ALDH3A2: variants seen among roughly 807,000 people sequenced by gnomAD.
The protein encoded by ALDH3A2 is aldehyde dehydrogenase 3 family member A2, also known as aldehyde dehydrogenase family 3 member A2.
A neutral mutation model predicts 51.3 loss-of-function variants in ALDH3A2; 36 were observed. The ratio of observed to expected loss-of-function variants is 0.70; its 90% CI spans 0.54 to 0.93. ALDH3A2 has a LOEUF of 0.93. ALDH3A2 is among the 40% of genes least tolerant of loss of function. The pLI, the probability that ALDH3A2 is intolerant of heterozygous loss-of-function variation, is 0.00. For synonymous variants in ALDH3A2, 199 were observed against 219.8 expected, an observed-to-expected ratio of 0.91 and a Z score of 0.84; for missense variants, 552 against 603.1, an observed-to-expected ratio of 0.92 and a Z score of 0.89.
chr17:19,661,073 G>A, intron 5 of ALDH3A2, 54 bp from the exon 6 acceptor site: 1 of 1,571,406 alleles, frequency 6.4e-7, no homozygotes, highest in Non-Finnish European at 8.7e-7. Flanking sequence ...TGTACTTACT[G>A]AAATTGAATT....
chr17:19,651,327 C>T (rs1443208432), intron 1 of ALDH3A2, among the ~76,000 whole-genome samples: 3 of 152,142 alleles, frequency 2.0e-5, no homozygotes, highest in Non-Finnish European at 4.4e-5. Flanking sequence ...TGTTACTACT[C>T]CCTGAAATAA....
At chr17:19,665,379 G>A (rs889446408) in intron 8 of ALDH3A2, among the ~76,000 whole-genome samples, 1 of 79,352 alleles carries the variant, frequency 1.3e-5, no homozygotes, top group Non-Finnish European at 3.0e-5. Context: ...CTCTCTTCGT[G>A]TGTGTGTGTG....
chr17:19,665,905 C>T (rs565994237), intron 8 of ALDH3A2, among the ~76,000 whole-genome samples: 33 of 152,266 alleles, frequency 2.2e-4, no homozygotes, highest in African/African-American at 7.7e-4. Context: ...CCATGGGATG[C>T]GATGGCCCAG....
chr17:19,659,764 C>T (rs1567601600), intron 5 of ALDH3A2: 1 of 151,168 alleles, frequency 6.6e-6, no homozygotes, highest in Admixed American at 6.6e-5. Context: ...TCGCTTGATC[C>T]TCCTGGGAGG....
Position 19,671,942 on chromosome 17 carries a change from G to T in ALDH3A2, c.1429G>T (p.Ala477Ser). Residue 477 changes from alanine (A) to serine (S), a missense_variant, in exon 9 of 10, where the codon GCT becomes TCT. By Grantham distance (99) the Ala-to-Ser change is moderately conservative. Coordinates refer to ENST00000176643, the MANE Select transcript of ALDH3A2 (RefSeq NM_000382.3). ...GCTCACTTTCCTGGGTATTGTAGCC[G>T]CTGTGCTTGTCAAGGTGAGTCCCTA... Reference protein sequence around the residue: ...LLLTFLGIVAAVLVKAEYY With the variant: ...LLLTFLGIVASVLVKAEYY 6.2e-7 allele frequency: 1 copy of T among 1,614,008 alleles called. No individual in the cohort carries two copies. The highest frequency in any genetic ancestry group is 8.5e-7 in the Non-Finnish European group (1 of 1,179,930).
At position 19,652,555 on chromosome 17, in the gene ALDH3A2, G is replaced by A. The variant is rs1297431585; in HGVS notation, c.394G>A (p.Val132Met). ...CTTTTTACTTTATTTAGGAAATGCTGTGATTATAAAGCCTTCTGAACTGAG... is the reference window on the plus strand; with the variant it reads ...CTTTTTACTTTATTTAGGAAATGCTATGATTATAAAGCCTTCTGAACTGAG... ...LIGAIAAGNA[V>M]IIKPSELSEN... The change falls in exon 3 of 10, where the codon GTG (valine) becomes ATG (methionine). Residue 132 changes from valine to methionine, a missense_variant. Physicochemically the swap from Val to Met is conservative, Grantham distance 21 (BLOSUM62 1). Coordinates refer to ENST00000176643, the MANE Select transcript of ALDH3A2 (RefSeq NM_000382.3). The A allele has an allele frequency of 1.2e-6, 2 of 1,613,058 alleles. No homozygotes were observed. The highest frequency in any genetic ancestry group is 1.1e-5 in the South Asian group (1 of 91,064).
At chr17:19,665,623 C>T (rs1309828580) in intron 8 of ALDH3A2, among the ~76,000 whole-genome samples, 1 of 152,110 alleles carries the variant, frequency 6.6e-6, no homozygotes, top group African/African-American at 2.4e-5. Flanking sequence ...GAAAGAAATT[C>T]ATTCCAAGTG....
Position 19,671,296 on chromosome 17 carries a change from G to A in ALDH3A2, c.1208-425G>A, listed in dbSNP as rs560780439. 4.6e-5 allele frequency among the ~76,000 whole-genome samples: 7 copies of A among 152,312 alleles called. No homozygotes were observed. The South Asian group carries it at 1.4e-3, about 32-fold the overall frequency. On this transcript the variant is annotated intron_variant, in intron 8 of 9. Coordinates refer to ENST00000176643, the MANE Select transcript of ALDH3A2 (RefSeq NM_000382.3). ...ATATAGCATTTAGAGTCTGATCCAG[G>A]TTCGGGTTCTGGCTTTGCCACTTAG...
intron 8 of ALDH3A2, among the ~76,000 whole-genome samples, chr17:19,667,684 A>G (rs1203140210): frequency 1.3e-5 from 2 of 151,940 alleles, no homozygotes; most frequent in Non-Finnish European, 2.9e-5. Context: ...TCAGCCTCCC[A>G]AGTAGCTGGA....
chr17:19,665,548 C>T (rs548268987), intron 8 of ALDH3A2, among the ~76,000 whole-genome samples: 10 of 152,066 alleles, frequency 6.6e-5, no homozygotes, highest in Non-Finnish European at 1.5e-4. Flanking sequence ...GAGGAGCAGC[C>T]TCTCCTTGAA....
intron 8 of ALDH3A2, among the ~76,000 whole-genome samples, chr17:19,668,552 C>T (rs1275528950): frequency 6.6e-6 from 1 of 152,062 alleles, no homozygotes; most frequent in Non-Finnish European, 1.5e-5. Context: ...CTGGCCTAAG[C>T]CTGTGTGGCT....
rs769992812 is a variant in ALDH3A2, at chr17:19,651,806, C to A, written c.385+28C>A. ...CTGGTGCCACCTTATGTCTATATACCTTTTTAGGGAGGCTTATTTTCTCAT... is the reference window on the plus strand; with the variant it reads ...CTGGTGCCACCTTATGTCTATATACATTTTTAGGGAGGCTTATTTTCTCAT... On this transcript the variant is annotated intron_variant, in intron 2 of 9. Coordinates refer to ENST00000176643, the MANE Select transcript of ALDH3A2 (RefSeq NM_000382.3). The A allele has an allele frequency of 7.0e-6, 11 of 1,576,852 alleles. No homozygotes were observed. In the East Asian group the frequency reaches 1.3e-4, roughly 19 times the overall value.
chr17:19,656,260 T>C (rs1425346003), intron 3 of ALDH3A2, 106 bp from the exon 4 acceptor site: 2 of 1,057,024 alleles, frequency 1.9e-6, no homozygotes, highest in South Asian at 1.3e-5. Context: ...GTCTTGACAC[T>C]CTCTGGGTTT....
intron 9 of ALDH3A2, chr17:19,672,204 A>G (rs547436319): frequency 3.9e-5 from 22 of 559,504 alleles, no homozygotes; most frequent in African/African-American, 3.4e-4. Context: ...CAGAGGCTGA[A>G]TGGCCCTCAG....
intron 3 of ALDH3A2, among the ~76,000 whole-genome samples, chr17:19,653,000 C>T (rs1159599025): frequency 6.6e-6 from 1 of 151,076 alleles, no homozygotes; most frequent in Non-Finnish European, 1.5e-5. Flanking sequence ...TACTAACAAT[C>T]TCTTTTGTTC....
rs751079690 is a variant in ALDH3A2 at position 19,661,241 on chromosome 17, G to A, written c.913G>A (p.Glu305Lys). 56 of 1,613,986 alleles carry A rather than the reference G, an allele frequency of 3.5e-5. No homozygotes were observed. The South Asian group carries it at 5.5e-4, about 16-fold the overall frequency. Reference sequence around the variant, plus strand: ...AGGACAAAAGATAGCTTTTGGTGGGGAGACTGATGAGGCCACACGCTACAT... The same window carrying A: ...AGGACAAAAGATAGCTTTTGGTGGGAAGACTGATGAGGCCACACGCTACAT... ...LEGQKIAFGGETDEATRYIAP... is the reference protein window; with the variant it reads ...LEGQKIAFGGKTDEATRYIAP... The change falls in exon 6 of 10, where the codon GAG (glutamate) becomes AAG (lysine). Residue 305 changes from glutamate (E) to lysine (K), a missense_variant. Transcript: ENST00000176643.
intron 7 of ALDH3A2, 36 bp from the exon 8 acceptor site, chr17:19,664,912 A>C: frequency 6.5e-7 from 1 of 1,535,020 alleles, no homozygotes. Context: ...CTAAGGGGCA[A>C]CTTCACTGAC....
rs2072332 is a variant in ALDH3A2 at position 19,656,310 on chromosome 17, G to A, written c.472-56G>A. On this transcript the variant is annotated intron_variant, in intron 3 of 9. Coordinates refer to ENST00000176643, the MANE Select transcript of ALDH3A2 (RefSeq NM_000382.3). ...TGTTTATGTTGAAGAGATTGCTGAT[G>A]TTAGACGTTAGGATTTATTTGGCAG... The A allele has an allele frequency of 0.3, 426,114 of 1,423,336 alleles. 66,792 individuals carry two copies. Among genetic ancestry groups the A allele is most frequent in the East Asian group, 0.47 (20,640 of 43,788 alleles). 88.2% of individuals were successfully genotyped at this position (1,423,336 alleles called of 1,614,324 possible). A position where few individuals can be genotyped will look rare whatever the true frequency, so the allele number is the denominator to read the frequency against.
intron 9 of ALDH3A2, 151 bp downstream of exon 9, chr17:19,672,107 C>G (rs990496521): frequency 1.0e-5 from 8 of 769,698 alleles, no homozygotes; most frequent in African/African-American, 8.6e-5. Context: ...GTTTTTGTCA[C>G]TGAAGTTATT....
Sources: allele counts gnomAD v4.1 joint callset (sites outside exome capture counted in the v4.1 genomes callset), GRCh38; gene constraint gnomAD v4.1.1; transcripts MANE v1.5; gene names NCBI Gene and HGNC (gene_info 2026-07-23, HGNC 2026-07-21).